The following FBN2 variants were observed in gnomAD, a reference collection of about 807,000 sequenced individuals.
FBN2 encodes fibrillin 2.
A neutral mutation model predicts 355.6 loss-of-function variants in FBN2; 105 were observed. That is an observed-to-expected ratio of 0.30 (90% CI 0.25 to 0.35). The LOEUF is 0.35. FBN2 is among the 10% of genes least tolerant of loss of function. The pLI is 1.00. For missense variants in FBN2, 3,280 were observed against 3,758.7 expected (o/e 0.87, Z 3.33); for synonymous variants, 1,350 against 1,301.2 (o/e 1.04, Z -0.81).
At chr5:128,469,732 G>A (rs1391383612) in intron 5 of FBN2, among the ~76,000 whole-genome samples, 4 of 152,118 alleles carry the variant, frequency 2.6e-5, no homozygotes, top group Admixed American at 6.5e-5. Context: ...AAAATGAACG[G>A]GTGAATGTGT....
chr5:128,338,922 A>C lies in FBN2; in HGVS notation c.3472+11T>G. On this transcript the variant is annotated intron_variant, in intron 26 of 64. Coordinates refer to ENST00000262464, the MANE Select transcript of FBN2 (RefSeq NM_001999.4). ...GTTTCAAGCTGGCGAGGAAGAGCTC[A>C]CGGTGCTTACCCATGCAGTTCTTCA... is the stretch of plus-strand genomic sequence containing the variant. 6.2e-7 allele frequency: 1 copy of C among 1,613,720 alleles called. No individual in the cohort carries two copies. The highest frequency in any genetic ancestry group is 1.1e-5 in the South Asian group (1 of 91,070).
At chr5:128,271,790 C>T (rs188933623) in intron 62 of FBN2, among the ~76,000 whole-genome samples, 33 of 152,068 alleles carry the variant, frequency 2.2e-4, no homozygotes, top group Admixed American at 1.0e-3. Context: ...GTTAACTTCC[C>T]GGTACTTAAA....
intron 7 of FBN2, among the ~76,000 whole-genome samples, chr5:128,419,000 T>C (rs1417049218): frequency 1.3e-5 from 2 of 152,210 alleles, no homozygotes; most frequent in Non-Finnish European, 2.9e-5. Context: ...TTTGTTTATT[T>C]AGATCATTCT....
chr5:128,537,419 T>A lies in FBN2; in HGVS notation c.185A>T (p.Glu62Val). The change falls in exon 1 of 65, where the codon GAG (glutamate) becomes GTG (valine). Residue 62 changes from glutamate to valine, a missense_variant. This residue lies in a region of FBN2 where 203 missense variants were observed against 142.2 expected (regional missense o/e 1.43). Coordinates refer to ENST00000262464, the MANE Select transcript of FBN2 (RefSeq NM_001999.4). Reference protein sequence around the residue: ...AGSEGGFLAPEYREEGAAVAS... With the variant: ...AGSEGGFLAPVYREEGAAVAS... The stretch of plus-strand genomic sequence containing the variant: ...CACTGCGGCACCCTCCTCGCGATAC[T>A]CGGGCGCTAGAAACCCGCCTTCAGA... 1 of 1,609,910 alleles carries A rather than the reference T, an allele frequency of 6.2e-7. No homozygotes were observed. The highest frequency in any genetic ancestry group is 8.5e-7 in the Non-Finnish European group (1 of 1,179,358).
At position 128,480,740 on chromosome 5, in the gene FBN2, G is replaced by T. The variant is rs184441859; in HGVS notation, c.629-15819C>A. On this transcript the variant is annotated intron_variant, in intron 5 of 64. Coordinates refer to ENST00000262464, the MANE Select transcript of FBN2 (RefSeq NM_001999.4). ...ACTCCTTCTCAAATAAATAAATAAAGAAATAAATCCTCAGCACCGGTTAGC... is the reference window on the plus strand; with the variant it reads ...ACTCCTTCTCAAATAAATAAATAAATAAATAAATCCTCAGCACCGGTTAGC... Among the ~76,000 whole-genome samples, 644 of 152,134 alleles carry T rather than the reference G, an allele frequency of 4.2e-3. 3 individuals carry two copies. The highest frequency in any genetic ancestry group is 0.014 in the African/African-American group (594 of 41,502).
At chr5:128,349,925 A>G (rs1212627732) in intron 22 of FBN2, 30 bp downstream of exon 22, 1 of 1,550,310 alleles carries the variant, frequency 6.5e-7, no homozygotes, top group Non-Finnish European at 8.9e-7. Context: ...CAAAAGATGT[A>G]TAGTATCTTC....
At position 128,310,127 on chromosome 5, in the gene FBN2, T is replaced by C; in HGVS notation, c.5075-19A>G. The C allele has an allele frequency of 1.9e-6, 3 of 1,593,362 alleles. No homozygotes were observed. Among genetic ancestry groups the C allele is most frequent in the Non-Finnish European group, 2.6e-6 (3 of 1,162,512 alleles). On this transcript the variant is annotated intron_variant, in intron 39 of 64. Transcript: ENST00000262464. The stretch of plus-strand genomic sequence containing the variant: ...TCAATATCTAGAGTAGGCAAGAATA[T>C]CTATTAATTAATAAATCTATTTTTT...
chr5:128,519,437 T>C, intron 4 of FBN2, 69 bp from the exon 5 acceptor site: 2 of 1,112,582 alleles, frequency 1.8e-6, no homozygotes, highest in Non-Finnish European at 2.7e-6. Flanking sequence ...AGTGCAGTGA[T>C]GCTGCCAATA....
chr5:128,471,879 T>G (rs1581326040), intron 5 of FBN2, among the ~76,000 whole-genome samples: 1 of 152,194 alleles, frequency 6.6e-6, no homozygotes, highest in East Asian at 1.9e-4. Flanking sequence ...GGTGCACGAC[T>G]GAAGTACCTA....
At chr5:128,424,608 A>G (rs997359097) in intron 7 of FBN2, among the ~76,000 whole-genome samples, 1 of 152,166 alleles carries the variant, frequency 6.6e-6, no homozygotes, top group African/African-American at 2.4e-5. Flanking sequence ...AGTCTAAGGA[A>G]ATACATTGAA....
chr5:128,523,672 C>T, intron 4 of FBN2, among the ~76,000 whole-genome samples: 1 of 152,096 alleles, frequency 6.6e-6, no homozygotes, highest in East Asian at 1.9e-4. Context: ...ACTCCTTACC[C>T]AACCCACTCC....
At chr5:128,452,105 A>T (rs1356329586) in intron 6 of FBN2, among the ~76,000 whole-genome samples, 1 of 152,138 alleles carries the variant, frequency 6.6e-6, no homozygotes, top group Non-Finnish European at 1.5e-5. Flanking sequence ...AAAAATAACC[A>T]CTTTGGACCA....
intron 47 of FBN2, among the ~76,000 whole-genome samples, 158 bp downstream of exon 47, chr5:128,301,224 A>T (rs1482862200): frequency 6.6e-6 from 1 of 152,196 alleles, no homozygotes; most frequent in Non-Finnish European, 1.5e-5. Flanking sequence ...CCCATTGTTG[A>T]TACCTTATAC....
chr5:128,274,585 G>T lies in FBN2; in HGVS notation c.7693C>A (p.His2565Asn). Reference sequence around the variant, plus strand: ...GTCTTACCGATACAAGCAGTGTGATGCTGTGTGAAACCAGGTGGACATTTA... The same window carrying T: ...GTCTTACCGATACAAGCAGTGTGATTCTGTGTGAAACCAGGTGGACATTTA... ...TCKCPPGFTQHHTACIDNNEC... is the reference protein window; with the variant it reads ...TCKCPPGFTQNHTACIDNNEC... Residue 2565 changes from histidine to asparagine, a missense_variant, in exon 60 of 65, where the codon CAT becomes AAT. Physicochemically the swap from His to Asn is moderately conservative, Grantham distance 68. Transcript: ENST00000262464. 6.2e-7 allele frequency: 1 copy of T among 1,604,078 alleles called. No individual in the cohort carries two copies. The highest frequency in any genetic ancestry group is 8.5e-7 in the Non-Finnish European group (1 of 1,170,898).
intron 8 of FBN2, among the ~76,000 whole-genome samples, chr5:128,405,444 A>T (rs1752901263): frequency 6.6e-6 from 1 of 152,140 alleles, no homozygotes; most frequent in Non-Finnish European, 1.5e-5. Context: ...TTTATAACAT[A>T]AGGAGGCAAG....
intron 7 of FBN2, among the ~76,000 whole-genome samples, chr5:128,418,980 ATGGTG>A (rs1753275799): frequency 6.6e-6 from 1 of 152,186 alleles, no homozygotes; most frequent in African/African-American, 2.4e-5. Context: ...ATCTGTAAGC[ATGGTG>A]TATATTTGTT....
intron 19 of FBN2, among the ~76,000 whole-genome samples, chr5:128,357,822 A>T (rs1396785970): frequency 6.6e-6 from 1 of 152,198 alleles, no homozygotes; most frequent in Admixed American, 6.5e-5. Flanking sequence ...TGCTGCTTTA[A>T]TTCCAAGCTC....
At chr5:128,483,926 G>A (rs1450822120) in intron 5 of FBN2, among the ~76,000 whole-genome samples, 1 of 152,184 alleles carries the variant, frequency 6.6e-6, no homozygotes, top group Non-Finnish European at 1.5e-5. Flanking sequence ...CCACTCTGGT[G>A]TCTGACTTCA....
At chr5:128,275,249 G>T (rs1475981627) in intron 59 of FBN2, among the ~76,000 whole-genome samples, 1 of 151,866 alleles carries the variant, frequency 6.6e-6, no homozygotes, top group African/African-American at 2.4e-5. Flanking sequence ...AACTTAATTT[G>T]GAAACTATAT....
Sources: gnomAD v4.1 joint callset for allele counts (sites outside exome capture counted in the v4.1 genomes callset) on GRCh38, gnomAD v4.1.1 for gene constraint, gnomAD v4.1.1 regional missense constraint, MANE v1.5 for transcripts, NCBI Gene and HGNC (gene_info 2026-07-23, HGNC 2026-07-21) for gene names.